HLCS: variants seen among roughly 807,000 people sequenced by gnomAD.
HLCS encodes the protein biotin--protein ligase.
Under a neutral mutation model 75.0 loss-of-function variants are expected in HLCS, and 53 were observed. The observed-to-expected ratio is 0.71, with a 90% CI of 0.57 to 0.89. The LOEUF (loss-of-function observed/expected upper bound fraction) is 0.89. Ranked by LOEUF, HLCS falls within the 40% of genes least tolerant of loss-of-function variation. HLCS has a pLI of 0.00. For missense variants in HLCS, 966 were observed against 1,074.0 expected, an observed-to-expected ratio of 0.90 and a Z score of 1.41; for synonymous variants, 431 against 428.6, an observed-to-expected ratio of 1.01 and a Z score of -0.07.
chr21:36,987,130 G>A (rs1292118096), intron 1 of HLCS, among the ~76,000 whole-genome samples: 2 of 152,142 alleles, frequency 1.3e-5, no homozygotes, highest in African/African-American at 4.8e-5. Context: ...TGAACAAGCC[G>A]CTCCTGACTC....
At chr21:36,874,246 C>CT (rs1454443201) in intron 6 of HLCS, among the ~76,000 whole-genome samples, 5 of 151,882 alleles carry the variant, frequency 3.3e-5, no homozygotes, top group Non-Finnish European at 1.5e-5. Context: ...ACTAAAAATA[C>CT]AAAAAATTAG....
intron 2 of HLCS, among the ~76,000 whole-genome samples, chr21:36,946,330 T>C (rs990995861): frequency 2.6e-5 from 4 of 152,062 alleles, no homozygotes; most frequent in African/African-American, 7.2e-5. Context: ...CAGCCTCGAC[T>C]TCCTGGGCTC....
At chr21:36,804,618 C>A (rs1466198180) in intron 6 of HLCS, among the ~76,000 whole-genome samples, 2 of 152,294 alleles carry the variant, frequency 1.3e-5, no homozygotes, top group Admixed American at 1.3e-4. Context: ...AAAAATAACC[C>A]TCCTATCCCT....
chr21:36,919,306 AG>A (rs1211107452), intron 5 of HLCS, among the ~76,000 whole-genome samples: 2 of 152,256 alleles, frequency 1.3e-5, no homozygotes, highest in African/African-American at 4.8e-5. Flanking sequence ...TTACTTTGAA[AG>A]AAAAAAAGTT....
intron 5 of HLCS, among the ~76,000 whole-genome samples, chr21:36,899,949 C>T (rs2065167204): frequency 6.6e-6 from 1 of 151,746 alleles, no homozygotes; most frequent in African/African-American, 2.4e-5. Context: ...ACTAAAAATA[C>T]AAAAAATTAG....
At chr21:36,900,602 G>A (rs2065198499) in intron 5 of HLCS, among the ~76,000 whole-genome samples, 1 of 152,156 alleles carries the variant, frequency 6.6e-6, no homozygotes, top group Non-Finnish European at 1.5e-5. Context: ...CTCTGTTGGA[G>A]CAGGATCACC....
intron 6 of HLCS, among the ~76,000 whole-genome samples, chr21:36,864,431 T>C (rs1235835204): frequency 1.3e-5 from 2 of 152,090 alleles, no homozygotes; most frequent in Non-Finnish European, 2.9e-5. Context: ...AACATTTCCT[T>C]TAGTCAAAAA....
At position 36,756,866 on chromosome 21, in the gene HLCS, C is replaced by G; in HGVS notation, c.2237-111G>C. The G allele has an allele frequency of 1.9e-6, 3 of 1,578,372 alleles. No homozygotes were observed. In the South Asian group the frequency reaches 3.4e-5, roughly 18 times the overall value. ...GACTGTCAACTTCCTCCTTCCTTGT[C>G]CTCATTTCAGATTTCGTGTCTCTAA... On this transcript the variant is annotated intron_variant, in intron 9 of 10. Coordinates refer to ENST00000674895, the MANE Select transcript of HLCS (RefSeq NM_001352514.2).
At chr21:36,915,743 T>C (rs2065902081) in intron 5 of HLCS, among the ~76,000 whole-genome samples, 1 of 150,678 alleles carries the variant, frequency 6.6e-6, no homozygotes, top group Admixed American at 6.6e-5. Context: ...CCACAGCTGA[T>C]TCTTCTAGAA....
intron 6 of HLCS, among the ~76,000 whole-genome samples, chr21:36,876,448 C>G (rs553773112): frequency 1.3e-5 from 2 of 152,312 alleles, no homozygotes; most frequent in African/African-American, 4.8e-5. Context: ...CATGGTTTCT[C>G]TACGTAGGTC....
chr21:36,948,562 T>A (rs192184400), intron 2 of HLCS, among the ~76,000 whole-genome samples: 48 of 150,310 alleles, frequency 3.2e-4, no homozygotes, highest in African/African-American at 1.2e-3. Flanking sequence ...AAACCCCATC[T>A]CTACTAAAAA....
intron 5 of HLCS, 72 bp downstream of exon 5, chr21:36,930,175 CAATT>C (rs1449351412): frequency 1.5e-5 from 20 of 1,300,882 alleles, no homozygotes; most frequent in African/African-American, 2.9e-5. Flanking sequence ...CAAAATAAAA[CAATT>C]AAAGCAACGG....
At chr21:36,795,866 C>T (rs926471071) in intron 6 of HLCS, among the ~76,000 whole-genome samples, 1 of 152,118 alleles carries the variant, frequency 6.6e-6, no homozygotes, top group Non-Finnish European at 1.5e-5. Context: ...AATAAATATT[C>T]ATTAAAAATT....
intron 6 of HLCS, among the ~76,000 whole-genome samples, chr21:36,791,557 C>T (rs1445177428): frequency 6.6e-6 from 1 of 152,144 alleles, no homozygotes; most frequent in Non-Finnish European, 1.5e-5. Flanking sequence ...ACCTCACCTG[C>T]GACTTTTCTC....
At chr21:36,783,419 A>T (rs2060591742) in intron 6 of HLCS, among the ~76,000 whole-genome samples, 1 of 152,220 alleles carries the variant, frequency 6.6e-6, no homozygotes, top group Non-Finnish European at 1.5e-5. Flanking sequence ...GAGCTACAAC[A>T]TCAAAGAGGC....
chr21:36,771,331 T>C (rs1199305935), intron 6 of HLCS, among the ~76,000 whole-genome samples: 1 of 152,222 alleles, frequency 6.6e-6, no homozygotes, highest in Admixed American at 6.5e-5. Flanking sequence ...GCAGCTTATC[T>C]GATACTAACA....
chr21:36,941,387 A>G (rs1002204908), intron 2 of HLCS, among the ~76,000 whole-genome samples: 1 of 152,220 alleles, frequency 6.6e-6, no homozygotes, highest in African/African-American at 2.4e-5. Context: ...TTTAAAAATT[A>G]CCCAGTCTTG....
At chr21:36,775,541 C>T (rs953925361) in intron 6 of HLCS, among the ~76,000 whole-genome samples, 1 of 152,264 alleles carries the variant, frequency 6.6e-6, no homozygotes, top group Non-Finnish European at 1.5e-5. Context: ...AGCGGTAGCC[C>T]TGATGGCAGA....
chr21:36,903,177 T>C (rs1001900631), intron 5 of HLCS, among the ~76,000 whole-genome samples: 1 of 152,174 alleles, frequency 6.6e-6, no homozygotes, highest in Non-Finnish European at 1.5e-5. Context: ...ACAGTACTAA[T>C]TTTCGGTTTT....
Sources: allele counts gnomAD v4.1 joint callset (sites outside exome capture counted in the v4.1 genomes callset), GRCh38; gene constraint gnomAD v4.1.1; transcripts MANE v1.5; gene names NCBI Gene and HGNC (gene_info 2026-07-23, HGNC 2026-07-21).